Variants in CAPZB observed in about 807,000 individuals in gnomAD.
CAPZB encodes F-actin-capping protein subunit beta.
In CAPZB, 2 loss-of-function variants were observed where a neutral mutation model predicts 38.1. The ratio of observed to expected loss-of-function variants is 0.05; its 90% confidence interval spans 0.02 to 0.17. The LOEUF (loss-of-function observed/expected upper bound fraction) is 0.17. Among genes scored for constraint, CAPZB ranks in the 10% least tolerant of loss-of-function variants. The pLI, the probability that CAPZB is intolerant of heterozygous loss-of-function variation, is 1.00. For synonymous variants in CAPZB, 107 were observed against 127.4 expected, an observed-to-expected ratio of 0.84 and a Z score of 1.08; for missense variants, 161 against 334.2, an observed-to-expected ratio of 0.48 and a Z score of 4.04.
chr1:19,477,442 G>A (rs1241159559), intron 1 of CAPZB, among the ~76,000 whole-genome samples: 1 of 152,248 alleles, frequency 6.6e-6, no homozygotes, highest in Non-Finnish European at 1.5e-5. Context: ...CCTGGCCGCT[G>A]CTCTTTTGGA....
chr1:19,474,548 A>C (rs993736904), intron 1 of CAPZB, among the ~76,000 whole-genome samples: 2 of 152,070 alleles, frequency 1.3e-5, no homozygotes, highest in African/African-American at 4.8e-5. Context: ...CTAAACCCTG[A>C]CACTTCACAT....
intron 4 of CAPZB, among the ~76,000 whole-genome samples, chr1:19,368,714 C>G (rs980772160): frequency 6.7e-6 from 1 of 149,272 alleles, no homozygotes; most frequent in Non-Finnish European, 1.5e-5. Flanking sequence ...GTCACCCAGG[C>G]AGAAGTGTGG....
At position 19,403,911 on chromosome 1, in the gene CAPZB, G is replaced by A. The variant is rs79454718; in HGVS notation, c.93+15750C>T. Among the ~76,000 whole-genome samples, 1,446 of 152,204 alleles carry A rather than the reference G, an allele frequency of 9.5e-3. 62 individuals are homozygous for A. In the East Asian group the frequency reaches 0.13, roughly 13 times the overall value. On this transcript the variant is annotated intron_variant, in intron 2 of 8. Transcript: ENST00000264202. ...CCTGCCTCCCTCCTGGACTCCAGCC[G>A]CAGTTCCTCCCTGTCACATGCCCTA...
At chr1:19,349,008 A>G (rs1456435963) in intron 6 of CAPZB, among the ~76,000 whole-genome samples, 2 of 152,150 alleles carry the variant, frequency 1.3e-5, no homozygotes, top group Non-Finnish European at 2.9e-5. Context: ...AAACAGGAGT[A>G]GTGAGAGTGC....
At chr1:19,344,058 C>A (rs1322689080) in intron 8 of CAPZB, among the ~76,000 whole-genome samples, 1 of 152,118 alleles carries the variant, frequency 6.6e-6, no homozygotes, top group Non-Finnish European at 1.5e-5. Flanking sequence ...GATTTTTGAG[C>A]GGGGACTGAC....
chr1:19,355,221 T>C (rs1212144582), intron 6 of CAPZB, among the ~76,000 whole-genome samples: 1 of 152,150 alleles, frequency 6.6e-6, no homozygotes, highest in Non-Finnish European at 1.5e-5. Context: ...GGGCCGGGTG[T>C]GGTGGCTTAT....
chr1:19,343,138 C>T (rs2093941533), intron 8 of CAPZB, among the ~76,000 whole-genome samples: 2 of 152,176 alleles, frequency 1.3e-5, no homozygotes, highest in South Asian at 2.1e-4. Context: ...TGCAGGTTGG[C>T]TGGGCGGGAA....
intron 4 of CAPZB, among the ~76,000 whole-genome samples, chr1:19,365,898 G>A (rs531294133): frequency 1.3e-5 from 2 of 152,206 alleles, no homozygotes; most frequent in African/African-American, 4.8e-5. Context: ...AGAAGTAGAA[G>A]GGAACACAGG....
intron 1 of CAPZB, among the ~76,000 whole-genome samples, chr1:19,455,387 T>C (rs1015528077): frequency 6.6e-6 from 1 of 152,212 alleles, no homozygotes; most frequent in African/African-American, 2.4e-5. Context: ...CTTTACTTTC[T>C]AGAAGAGGAC....
intron 1 of CAPZB, among the ~76,000 whole-genome samples, chr1:19,438,897 G>C (rs565153095): frequency 6.6e-6 from 1 of 152,346 alleles, no homozygotes; most frequent in South Asian, 2.1e-4. Flanking sequence ...TTTCCCTTCT[G>C]TCCTCTGATA....
At chr1:19,434,356 A>C (rs992186776) in intron 1 of CAPZB, among the ~76,000 whole-genome samples, 2 of 152,170 alleles carry the variant, frequency 1.3e-5, no homozygotes, top group Non-Finnish European at 2.9e-5. Flanking sequence ...TTTGAGAACA[A>C]TATCACAAAA....
intron 3 of CAPZB, among the ~76,000 whole-genome samples, chr1:19,381,509 C>T (rs550656021): frequency 6.6e-6 from 1 of 152,264 alleles, no homozygotes; most frequent in South Asian, 2.1e-4. Context: ...TGGTGTTCCA[C>T]TTCTCCAAAC....
In CAPZB at chr1:19,386,290, G is replaced by A. The variant is rs575060891; in HGVS notation, c.94-664C>T. On this transcript the variant is annotated intron_variant, in intron 2 of 8. Coordinates refer to ENST00000264202, the MANE Select transcript of CAPZB (RefSeq NM_004930.5). ...GACTCAAACTCTGGGCCAATGTTGC[G>A]ACTCTGACACAAGGCTCTGCAAGTA... Among the ~76,000 whole-genome samples, 34 of 152,264 alleles carry A rather than the reference G, an allele frequency of 2.2e-4. No homozygotes were observed. The South Asian group carries it at 6.4e-3, about 29-fold the overall frequency.
intron 1 of CAPZB, among the ~76,000 whole-genome samples, chr1:19,473,559 T>C (rs2094596865): frequency 6.6e-6 from 1 of 152,192 alleles, no homozygotes; most frequent in Non-Finnish European, 1.5e-5. Context: ...ACAGTATCCT[T>C]CAGCACAGTG....
At chr1:19,411,737 T>C (rs576008510) in intron 2 of CAPZB, among the ~76,000 whole-genome samples, 2 of 152,340 alleles carry the variant, frequency 1.3e-5, no homozygotes, top group Admixed American at 6.5e-5. Context: ...AAATCACTTC[T>C]GGCCAAATCT....
Position 19,340,018 on chromosome 1 carries a change from G to A in CAPZB, c.732-401C>T, listed in dbSNP as rs138603081. Among the ~76,000 whole-genome samples, 12 of 152,338 alleles carry A rather than the reference G, an allele frequency of 7.9e-5. 1 individual carries two copies. Among genetic ancestry groups the A allele is most frequent in the Non-Finnish European group, 8.8e-5 (6 of 68,034 alleles). On this transcript the variant is annotated intron_variant, in intron 8 of 8. Transcript: ENST00000264202. ...AACAAAGCCCCTCTGCTTCAGAACA[G>A]CTACCCTGGGTTGCTGGCTGGGGAC... is the stretch of plus-strand genomic sequence containing the variant.
intron 1 of CAPZB, among the ~76,000 whole-genome samples, chr1:19,453,609 C>G (rs1365400662): frequency 1.6e-4 from 25 of 152,128 alleles, no homozygotes; most frequent in Admixed American, 1.6e-3. Context: ...GTACCCGTGG[C>G]CCCTTCCTTG....
chr1:19,448,810 C>G (rs369333241), intron 1 of CAPZB: 54 of 1,612,394 alleles, frequency 3.3e-5, no homozygotes, highest in African/African-American at 2.3e-4. Flanking sequence ...CCTCCTCCCC[C>G]CTCAGATCTA....
intron 2 of CAPZB, among the ~76,000 whole-genome samples, chr1:19,394,362 A>G (rs919448734): frequency 6.6e-6 from 1 of 152,224 alleles, no homozygotes; most frequent in Non-Finnish European, 1.5e-5. Flanking sequence ...TGCACCAGTA[A>G]TTATAACATC....
Sources: gnomAD v4.1 joint callset for allele counts (sites outside exome capture counted in the v4.1 genomes callset) on GRCh38, gnomAD v4.1.1 for gene constraint, MANE v1.5 for transcripts, NCBI Gene and HGNC (gene_info 2026-07-23, HGNC 2026-07-21) for gene names.